Variants in MTRES1 observed in about 807,000 individuals in gnomAD.
The protein encoded by MTRES1 is mitochondrial transcription rescue factor 1.
Under a neutral mutation model 17.4 loss-of-function variants are expected in MTRES1, and 11 were observed. The ratio of observed to expected loss-of-function variants is 0.63; its 90% confidence interval spans 0.40 to 1.05. MTRES1 has a LOEUF of 1.05. MTRES1 is among the 50% of genes least tolerant of loss of function. The pLI, the probability that MTRES1 is intolerant of heterozygous loss-of-function variation, is 0.00. For missense variants in MTRES1, 268 were observed against 276.2 expected (o/e 0.97, Z 0.21); for synonymous variants, 94 against 99.6 (o/e 0.94, Z 0.34).
intron 1 of MTRES1, among the ~76,000 whole-genome samples, chr6:107,039,066 TAATA>T (rs1396098191): frequency 2.0e-5 from 3 of 151,904 alleles, no homozygotes; most frequent in African/African-American, 7.3e-5. Context: ...AAAAAAATAA[TAATA>T]AATAAAAAAA....
chr6:107,044,386 G>A, intron 3 of MTRES1, 54 bp downstream of exon 3: 4 of 1,420,702 alleles, frequency 2.8e-6, no homozygotes, highest in Non-Finnish European at 4.0e-6. Context: ...TACTCTGCTA[G>A]TAACTCAATT....
chr6:107,039,742 G>C lies in MTRES1; in HGVS notation c.-12-7G>C. The stretch of plus-strand genomic sequence containing the variant: ...GTGAGATAAAACTGATTTATTATCT[G>C]TTTCAGATTATAAGCGCCATGGCTA... On this transcript the variant is annotated splice_region_variant and splice_polypyrimidine_tract_variant and intron_variant, in intron 1 of 3. Coordinates refer to ENST00000311381, the MANE Select transcript of MTRES1 (RefSeq NM_016487.5). The C allele has an allele frequency of 1.3e-6, 2 of 1,580,538 alleles. No homozygotes were observed. Among genetic ancestry groups the C allele is most frequent in the African/African-American group, 1.4e-5 (1 of 72,982 alleles).
Position 107,028,522 on chromosome 6 carries a change from G to C in MTRES1, c.-13+251G>C, listed in dbSNP as rs1007403279. On this transcript the variant is annotated intron_variant, in intron 1 of 3. Coordinates refer to ENST00000311381, the MANE Select transcript of MTRES1 (RefSeq NM_016487.5). ...AGACTGCGAACCCGGGGACGCAGTT[G>C]TCCATTTCCTTTGACCTTGGGGACC... The C allele has an allele frequency of 3.3e-5, 5 of 152,310 alleles. No homozygotes were observed. The East Asian group carries it at 7.7e-4, about 24-fold the overall frequency. 9.4% of individuals were successfully genotyped at this position (152,310 alleles called of 1,614,324 possible).
chr6:107,044,178 T>G (rs139627543), intron 2 of MTRES1, 82 bp from the exon 3 acceptor site: 7 of 928,706 alleles, frequency 7.5e-6, no homozygotes, highest in African/African-American at 1.7e-5. Flanking sequence ...GTTACGTGGA[T>G]ATACTGTATA....
At chr6:107,042,137 G>A (rs1347532725) in intron 2 of MTRES1, among the ~76,000 whole-genome samples, 5 of 151,672 alleles carry the variant, frequency 3.3e-5, no homozygotes, top group African/African-American at 9.7e-5. Flanking sequence ...TCAGGTGATC[G>A]ATAGCATCCT....
chr6:107,036,272 T>C (rs569940375), intron 1 of MTRES1, among the ~76,000 whole-genome samples: 33 of 152,084 alleles, frequency 2.2e-4, no homozygotes, highest in Non-Finnish European at 4.4e-4. Context: ...GGCCGGGCAC[T>C]GTGGCTCACA....
intron 2 of MTRES1, among the ~76,000 whole-genome samples, chr6:107,042,496 T>C (rs1774253672): frequency 6.7e-6 from 1 of 150,296 alleles, no homozygotes. Flanking sequence ...GCTGTTGTTA[T>C]TAAGCCAAGC....
intron 1 of MTRES1, among the ~76,000 whole-genome samples, chr6:107,035,128 G>C (rs6909688): frequency 1 from 152,175 of 152,208 alleles, 76,071 homozygotes; most frequent in Middle Eastern, 1. Flanking sequence ...CCCTCAGAGG[G>C]TGCTTTTTTT....
At chr6:107,032,390 T>A (rs1359846261) in intron 1 of MTRES1, among the ~76,000 whole-genome samples, 1 of 151,842 alleles carries the variant, frequency 6.6e-6, no homozygotes, top group African/African-American at 2.4e-5. Context: ...CCAGGGGAGG[T>A]TGAACCCTGC....
At chr6:107,032,815 C>T (rs1194152574) in intron 1 of MTRES1, among the ~76,000 whole-genome samples, 3 of 152,116 alleles carry the variant, frequency 2.0e-5, no homozygotes, top group Non-Finnish European at 2.9e-5. Context: ...GCAAAAAAAT[C>T]ACTGTTGTAA....
chr6:107,040,707 A>G (rs1562281215), intron 2 of MTRES1: 2 of 152,512 alleles, frequency 1.3e-5, no homozygotes, highest in African/African-American at 4.8e-5. Flanking sequence ...TGTCTCTACT[A>G]AAAATACAAA....
At chr6:107,045,641 T>G (rs1048568404) in intron 3 of MTRES1, among the ~76,000 whole-genome samples, 18 of 152,336 alleles carry the variant, frequency 1.2e-4, no homozygotes, top group Non-Finnish European at 2.4e-4. Flanking sequence ...TTCTGAATTT[T>G]TTTACCATGA....
chr6:107,038,700 T>C (rs144445007), intron 1 of MTRES1, among the ~76,000 whole-genome samples: 4 of 152,280 alleles, frequency 2.6e-5, no homozygotes, highest in Non-Finnish European at 5.9e-5. Flanking sequence ...CTTGGCAAAG[T>C]CAATGTTGTA....
At chr6:107,034,065 C>T (rs1356802852) in intron 1 of MTRES1, among the ~76,000 whole-genome samples, 1 of 152,144 alleles carries the variant, frequency 6.6e-6, no homozygotes, top group Non-Finnish European at 1.5e-5. Context: ...CAAGGGAATA[C>T]GTGGCTTGAC....
At chr6:107,036,499 C>T (rs193074559) in intron 1 of MTRES1, among the ~76,000 whole-genome samples, 1 of 151,714 alleles carries the variant, frequency 6.6e-6, no homozygotes, top group Non-Finnish European at 1.5e-5. Context: ...GAGATCGAGC[C>T]GTTTCACTCC....
chr6:107,030,002 T>G (rs1773781974), intron 1 of MTRES1: 1 of 686,008 alleles, frequency 1.5e-6, no homozygotes, highest in South Asian at 1.6e-5. Flanking sequence ...TTTTTTTTTT[T>G]GTCTACCTGT....
chr6:107,050,896 C>G (rs1245496902), intron 3 of MTRES1, among the ~76,000 whole-genome samples, 161 bp from the exon 4 acceptor site: 8 of 152,156 alleles, frequency 5.3e-5, no homozygotes, highest in Non-Finnish European at 1.2e-4. Flanking sequence ...CCCTTTCACG[C>G]TGAGGCACTG....
chr6:107,035,459 AC>A (rs1186489463), intron 1 of MTRES1, among the ~76,000 whole-genome samples: 2 of 151,986 alleles, frequency 1.3e-5, no homozygotes, highest in Non-Finnish European at 2.9e-5. Context: ...CTTAAGACCA[AC>A]ACAGACTTCC....
At chr6:107,049,799 G>A (rs546786518) in intron 3 of MTRES1, among the ~76,000 whole-genome samples, 11 of 147,904 alleles carry the variant, frequency 7.4e-5, no homozygotes, top group Admixed American at 2.1e-4. Context: ...TTGGTTCACC[G>A]CAACCTCTGC....
Sources: gnomAD v4.1 joint callset for allele counts (sites outside exome capture counted in the v4.1 genomes callset) on GRCh38, gnomAD v4.1.1 for gene constraint, MANE v1.5 for transcripts, NCBI Gene and HGNC (gene_info 2026-07-23, HGNC 2026-07-21) for gene names.